GRID1: variants seen among roughly 807,000 people sequenced by gnomAD.
GRID1 encodes the protein glutamate receptor ionotropic, delta-1.
In GRID1, 28 loss-of-function variants were observed where a neutral mutation model predicts 98.0. That is an observed-to-expected ratio of 0.29 (90% CI 0.21 to 0.39). The LOEUF (loss-of-function observed/expected upper bound fraction) is 0.39. Ranked by LOEUF, GRID1 falls within the 10% of genes least tolerant of loss-of-function variation. The probability of loss-of-function intolerance (pLI) is 1.00; values close to 1 mark genes in which losing one functional copy is unlikely to be tolerated. For synonymous variants in GRID1, 553 were observed against 538.5 expected, an observed-to-expected ratio of 1.03 and a Z score of -0.37; for missense variants, 1,111 against 1,340.5, an observed-to-expected ratio of 0.83 and a Z score of 2.67.
intron 4 of GRID1, among the ~76,000 whole-genome samples, chr10:85,965,785 T>TAAA (rs78965421): frequency 6.9e-6 from 1 of 144,082 alleles, no homozygotes; most frequent in Non-Finnish European, 1.5e-5. Context: ...TAAAATATAA[T>TAAA]AAAAAAAAAA....
chr10:86,221,932 C>G (rs943993272), intron 2 of GRID1, among the ~76,000 whole-genome samples: 1 of 151,126 alleles, frequency 6.6e-6, no homozygotes, highest in Non-Finnish European at 1.5e-5. Flanking sequence ...CCGGAAGGAA[C>G]AGGGGTAGGG....
intron 12 of GRID1, among the ~76,000 whole-genome samples, chr10:85,657,023 T>C (rs1213163937): frequency 1.3e-5 from 2 of 152,120 alleles, no homozygotes; most frequent in South Asian, 4.2e-4. Context: ...CCCCAATACA[T>C]CTGCTCTCGC....
chr10:86,131,562 A>AC (rs1844839205), intron 4 of GRID1, among the ~76,000 whole-genome samples: 1 of 152,110 alleles, frequency 6.6e-6, no homozygotes, highest in South Asian at 2.1e-4. Flanking sequence ...GGCCTCCCAG[A>AC]CAGTCTCTGT....
chr10:86,324,468 G>A (rs887616664), intron 2 of GRID1, among the ~76,000 whole-genome samples: 1 of 152,180 alleles, frequency 6.6e-6, no homozygotes, highest in African/African-American at 2.4e-5. Context: ...GTCACAAGAC[G>A]GTTGGAGTCT....
At chr10:85,651,790 T>A (rs1306607732) in intron 12 of GRID1, among the ~76,000 whole-genome samples, 1 of 152,232 alleles carries the variant, frequency 6.6e-6, no homozygotes, top group Admixed American at 6.5e-5. Flanking sequence ...GGTGCAAGCA[T>A]GTGTATCACT....
intron 2 of GRID1, among the ~76,000 whole-genome samples, chr10:86,258,315 C>T (rs1846958172): frequency 3.3e-5 from 5 of 152,134 alleles, no homozygotes; most frequent in Admixed American, 3.3e-4. Flanking sequence ...AATAGAATCA[C>T]TGTTGGAAGC....
At chr10:85,749,813 C>T (rs1842029662) in intron 8 of GRID1, among the ~76,000 whole-genome samples, 1 of 152,206 alleles carries the variant, frequency 6.6e-6, no homozygotes, top group Non-Finnish European at 1.5e-5. Flanking sequence ...AGACTTCTTG[C>T]ATTAGTCAGT....
At chr10:86,163,116 A>G (rs113800446) in intron 3 of GRID1, among the ~76,000 whole-genome samples, 8,689 of 152,138 alleles carry the variant, frequency 0.057, 432 homozygotes, top group African/African-American at 0.13. Context: ...GACTCTGTGG[A>G]CCTCCAATGG....
At chr10:85,660,801 T>C (rs1170021513) in intron 12 of GRID1, among the ~76,000 whole-genome samples, 2 of 152,096 alleles carry the variant, frequency 1.3e-5, no homozygotes, top group Non-Finnish European at 1.5e-5. Context: ...GGAGAACTCA[T>C]GCTGGAGTGG....
intron 4 of GRID1, among the ~76,000 whole-genome samples, chr10:86,058,359 A>G (rs1328321768): frequency 6.6e-6 from 1 of 152,066 alleles, no homozygotes; most frequent in African/African-American, 2.4e-5. Context: ...ATCAAGTCCA[A>G]CCTCTCCATG....
intron 2 of GRID1, among the ~76,000 whole-genome samples, chr10:86,298,281 C>CCAA (rs1331761599): frequency 6.6e-6 from 1 of 152,112 alleles, no homozygotes; most frequent in African/African-American, 2.4e-5. Context: ...GAAGTTGCAA[C>CCAA]CAAAGCTGTA....
At chr10:85,840,028 C>A (rs1042946243) in intron 8 of GRID1, among the ~76,000 whole-genome samples, 1 of 152,050 alleles carries the variant, frequency 6.6e-6, no homozygotes, top group Non-Finnish European at 1.5e-5. Flanking sequence ...ATTCGTGTCA[C>A]ATACACCCTC....
intron 3 of GRID1, among the ~76,000 whole-genome samples, chr10:86,171,513 G>A (rs1419223082): frequency 6.6e-6 from 1 of 152,214 alleles, no homozygotes; most frequent in East Asian, 1.9e-4. Context: ...AACCGAGGTG[G>A]GGACCCAGAG....
intron 2 of GRID1, among the ~76,000 whole-genome samples, chr10:86,287,397 G>A (rs928772201): frequency 1.3e-5 from 2 of 152,162 alleles, no homozygotes; most frequent in Admixed American, 6.5e-5. Flanking sequence ...TCCCAGTAAC[G>A]CACCACTTAA....
chr10:86,180,292 C>T (rs1041648769), intron 3 of GRID1, among the ~76,000 whole-genome samples: 1 of 152,116 alleles, frequency 6.6e-6, no homozygotes, highest in Non-Finnish European at 1.5e-5. Context: ...GGCAGGAGCC[C>T]CTCATTTTAC....
At chr10:86,333,349 A>C (rs1848176126) in intron 2 of GRID1, among the ~76,000 whole-genome samples, 1 of 152,238 alleles carries the variant, frequency 6.6e-6, no homozygotes, top group Non-Finnish European at 1.5e-5. Flanking sequence ...TGCTTCTAGG[A>C]TAATTTCCCA....
Position 86,012,588 on chromosome 10 carries a change from TC to T in GRID1, c.727-96350del, listed in dbSNP as rs1194579070. ...ATTTGCTGTGGGCTGAGTGTTTGTG[TC>T]CCCCCCAAAATTCAGGTGTTGCAAT... On this transcript the variant is annotated intron_variant, in intron 4 of 15. Coordinates refer to ENST00000327946, the MANE Select transcript of GRID1 (RefSeq NM_017551.3). Among the ~76,000 whole-genome samples the T allele has an allele frequency of 3.9e-5, 6 of 152,096 alleles. No individual in the cohort carries two copies. In the South Asian group the frequency reaches 1.0e-3, roughly 26 times the overall value.
intron 4 of GRID1, among the ~76,000 whole-genome samples, chr10:86,123,017 C>T (rs956159684): frequency 5.3e-5 from 8 of 152,230 alleles, no homozygotes; most frequent in African/African-American, 1.9e-4. Context: ...TGCAAAGGCT[C>T]TGAAAGGTGC....
rs1306205385 is a variant in GRID1 at position 85,647,288 on chromosome 10, T to G, written c.2107A>C (p.Ser703Arg). ...GTCCGCCAGAGTTCAGCAAACGTGC[T>G]GTCCTGCTCCAGGGGGTTGGTGCCC... Reference protein sequence around the residue: ...AKGTNPLEQDSTFAELWRTIS... With the variant: ...AKGTNPLEQDRTFAELWRTIS... Residue 703 changes from serine to arginine, a missense_variant, in exon 13 of 16, where the codon AGC becomes CGC. Physicochemically the swap from Ser to Arg is moderately radical, Grantham distance 110. This residue lies in a region of GRID1 where 762 missense variants were observed against 869.1 expected (regional missense o/e 0.88). Transcript: ENST00000327946. 1 of 1,614,250 alleles carries G rather than the reference T, an allele frequency of 6.2e-7. No individual in the cohort carries two copies.
Sources: gnomAD v4.1 joint callset for allele counts (sites outside exome capture counted in the v4.1 genomes callset) on GRCh38, gnomAD v4.1.1 for gene constraint, gnomAD v4.1.1 regional missense constraint, MANE v1.5 for transcripts, NCBI Gene and HGNC (gene_info 2026-07-23, HGNC 2026-07-21) for gene names.